The following RABGAP1L variants were observed in gnomAD, a reference collection of about 807,000 sequenced individuals.
RABGAP1L encodes the protein rab GTPase-activating protein 1-like.
A neutral mutation model predicts 137.7 loss-of-function variants in RABGAP1L; 63 were observed. The observed-to-expected ratio is 0.46, with a 90% CI of 0.37 to 0.56. The LOEUF is 0.56. Ranked by LOEUF, RABGAP1L falls within the 20% of genes least tolerant of loss-of-function variation. RABGAP1L has a pLI of 0.00. For synonymous variants in RABGAP1L, 431 were observed against 433.7 expected, an observed-to-expected ratio of 0.99 and a Z score of 0.08; for missense variants, 1,095 against 1,244.0, an observed-to-expected ratio of 0.88 and a Z score of 1.80.
chr1:174,971,356 G>C (rs926508815), intron 21 of RABGAP1L, among the ~76,000 whole-genome samples: 1 of 151,948 alleles, frequency 6.6e-6, no homozygotes. Flanking sequence ...CTTTATGTGA[G>C]TCAGTCTGGA....
intron 13 of RABGAP1L, among the ~76,000 whole-genome samples, chr1:174,551,616 C>T (rs1352558056): frequency 6.6e-6 from 1 of 151,742 alleles, no homozygotes; most frequent in Non-Finnish European, 1.5e-5. Flanking sequence ...TACTAAGTTT[C>T]TATGTAAGAG....
intron 19 of RABGAP1L, among the ~76,000 whole-genome samples, chr1:174,918,953 G>A (rs1245867332): frequency 6.6e-6 from 1 of 152,038 alleles, no homozygotes; most frequent in Non-Finnish European, 1.5e-5. Flanking sequence ...GGAGTTAGAG[G>A]CTGCAGTGAG....
intron 7 of RABGAP1L, among the ~76,000 whole-genome samples, chr1:174,267,020 T>C (rs1674130792): frequency 6.6e-6 from 1 of 152,206 alleles, no homozygotes; most frequent in South Asian, 2.1e-4. Context: ...CAACATCCTT[T>C]AGTTTAAGTT....
chr1:174,574,374 A>C (rs1668207416), intron 13 of RABGAP1L, among the ~76,000 whole-genome samples: 1 of 152,164 alleles, frequency 6.6e-6, no homozygotes, highest in Admixed American at 6.5e-5. Flanking sequence ...AATCCCTTTT[A>C]GTTTTTTTTA....
At chr1:174,422,812 T>A (rs542900371) in intron 13 of RABGAP1L, among the ~76,000 whole-genome samples, 1 of 152,128 alleles carries the variant, frequency 6.6e-6, no homozygotes, top group South Asian at 2.1e-4. Context: ...GCTGGTGTGA[T>A]AGCACACATC....
chr1:174,660,876 C>T (rs900495490), intron 14 of RABGAP1L, among the ~76,000 whole-genome samples: 2 of 152,120 alleles, frequency 1.3e-5, no homozygotes, highest in African/African-American at 2.4e-5. Flanking sequence ...GCTTTGTCAC[C>T]GTTGCACTTA....
intron 19 of RABGAP1L, among the ~76,000 whole-genome samples, chr1:174,896,719 T>C (rs1170045920): frequency 3.3e-5 from 5 of 152,200 alleles, no homozygotes; most frequent in Admixed American, 3.3e-4. Flanking sequence ...TTTCTTGTTT[T>C]TGTCAGGTTT....
At chr1:174,334,318 A>T (rs914960104) in intron 11 of RABGAP1L, among the ~76,000 whole-genome samples, 4 of 152,112 alleles carry the variant, frequency 2.6e-5, no homozygotes, top group Non-Finnish European at 5.9e-5. Flanking sequence ...GATTATTGTG[A>T]TACCTCAAAC....
chr1:174,952,795 G>C (rs1268457681), intron 19 of RABGAP1L, among the ~76,000 whole-genome samples: 4 of 151,932 alleles, frequency 2.6e-5, no homozygotes, highest in Non-Finnish European at 5.9e-5. Flanking sequence ...TCACCATTTT[G>C]TCCAGGCTGG....
intron 19 of RABGAP1L, among the ~76,000 whole-genome samples, chr1:174,911,094 T>A (rs1384718898): frequency 6.6e-6 from 1 of 152,228 alleles, no homozygotes; most frequent in Non-Finnish European, 1.5e-5. Flanking sequence ...TTGTATATCT[T>A]CTTTGGAGAA....
intron 17 of RABGAP1L, among the ~76,000 whole-genome samples, chr1:174,709,590 C>G (rs569803117): frequency 7.2e-5 from 11 of 152,246 alleles, no homozygotes; most frequent in Admixed American, 6.5e-4. Context: ...AGGGCCCTGA[C>G]TATTAGAAGG....
intron 10 of RABGAP1L, among the ~76,000 whole-genome samples, chr1:174,301,330 C>G (rs1677684549): frequency 6.7e-6 from 1 of 150,162 alleles, no homozygotes; most frequent in Non-Finnish European, 1.5e-5. Flanking sequence ...TGCTAATTAG[C>G]TCAAGGGGCT....
chr1:174,916,737 C>T (rs1042852519), intron 19 of RABGAP1L, among the ~76,000 whole-genome samples: 3 of 152,166 alleles, frequency 2.0e-5, no homozygotes, highest in Non-Finnish European at 4.4e-5. Flanking sequence ...GGAAGTTTCA[C>T]ACATTAATTT....
chr1:174,948,780 G>A (rs893219242), intron 19 of RABGAP1L: 1 of 152,168 alleles, frequency 6.6e-6, no homozygotes, highest in Admixed American at 6.6e-5. Flanking sequence ...CCCAGCAGAA[G>A]CCTGAGGCAG....
intron 19 of RABGAP1L, among the ~76,000 whole-genome samples, chr1:174,949,393 G>A (rs1667387957): frequency 6.6e-6 from 1 of 152,218 alleles, no homozygotes; most frequent in African/African-American, 2.4e-5. Context: ...GGCATTGCCA[G>A]TGAAGTTTAA....
chr1:174,746,118 T>G (rs1398248284), intron 17 of RABGAP1L, among the ~76,000 whole-genome samples: 1 of 152,218 alleles, frequency 6.6e-6, no homozygotes, highest in Admixed American at 6.5e-5. Context: ...ATTGCCTGCT[T>G]ATCAGAGCCA....
At chr1:174,277,543 T>G (rs1366574604) in intron 9 of RABGAP1L, among the ~76,000 whole-genome samples, 2 of 151,580 alleles carry the variant, frequency 1.3e-5, no homozygotes, top group African/African-American at 2.4e-5. Context: ...TATTATAATA[T>G]TCTGATTCAA....
At chr1:174,961,898 TG>T (rs1049512858) in intron 20 of RABGAP1L, among the ~76,000 whole-genome samples, 1 of 148,764 alleles carries the variant, frequency 6.7e-6, no homozygotes, top group African/African-American at 2.5e-5. Context: ...AGCTCACGCC[TG>T]TAATCCCAGC....
chr1:174,886,357 CG>C (rs1484110851), intron 19 of RABGAP1L, among the ~76,000 whole-genome samples: 1 of 152,158 alleles, frequency 6.6e-6, no homozygotes, highest in Non-Finnish European at 1.5e-5. Context: ...GCAAGCTGAA[CG>C]TGTAATCAAA....
Sources: allele counts gnomAD v4.1 joint callset (sites outside exome capture counted in the v4.1 genomes callset), GRCh38; gene constraint gnomAD v4.1.1; transcripts MANE v1.5; gene names NCBI Gene and HGNC (gene_info 2026-07-23, HGNC 2026-07-21).